FAT3: variants seen among roughly 807,000 people sequenced by gnomAD.
FAT3 encodes FAT atypical cadherin 3, also known as protocadherin Fat 3.
Under a neutral mutation model 310.2 loss-of-function variants are expected in FAT3, and 95 were observed. The observed-to-expected ratio is 0.31, with a 90% CI of 0.26 to 0.36. The LOEUF (loss-of-function observed/expected upper bound fraction) is 0.36, where lower values mean the gene tolerates loss of function less well. Ranked by LOEUF, FAT3 falls within the 10% of genes least tolerant of loss-of-function variation. The pLI is 1.00. For synonymous variants in FAT3, 2,314 were observed against 2,192.9 expected, an observed-to-expected ratio of 1.06 and a Z score of -1.54; for missense variants, 5,408 against 5,715.6, an observed-to-expected ratio of 0.95 and a Z score of 1.74.
At chr11:92,650,409 G>A (rs768487016) in intron 3 of FAT3, among the ~76,000 whole-genome samples, 2 of 152,018 alleles carry the variant, frequency 1.3e-5, no homozygotes, top group Non-Finnish European at 2.9e-5. Context: ...TCATTAATAC[G>A]CACTGTCCTT....
chr11:92,540,825 A>C (rs1341917498), intron 3 of FAT3, among the ~76,000 whole-genome samples: 1 of 152,002 alleles, frequency 6.6e-6, no homozygotes, highest in Non-Finnish European at 1.5e-5. Context: ...TAATTACAGA[A>C]CTATGTTTTT....
chr11:92,545,373 T>C (rs757384974), intron 3 of FAT3, among the ~76,000 whole-genome samples: 3 of 152,208 alleles, frequency 2.0e-5, no homozygotes, highest in African/African-American at 4.8e-5. Flanking sequence ...TTTCACAGAC[T>C]GGAAGAGCCA....
intron 2 of FAT3, among the ~76,000 whole-genome samples, chr11:92,413,922 G>A (rs1372234995): frequency 1.3e-5 from 2 of 152,122 alleles, no homozygotes; most frequent in Admixed American, 6.5e-5. Flanking sequence ...CTAATTCTGG[G>A]ATCTGTGCAT....
intron 2 of FAT3, among the ~76,000 whole-genome samples, chr11:92,414,792 C>T (rs1415970083): frequency 6.6e-6 from 1 of 152,100 alleles, no homozygotes; most frequent in Non-Finnish European, 1.5e-5. Flanking sequence ...GGGCGGATCA[C>T]GAGGTCGGGA....
At chr11:92,730,996 G>A (rs928758651) in intron 4 of FAT3, among the ~76,000 whole-genome samples, 6 of 152,014 alleles carry the variant, frequency 3.9e-5, no homozygotes, top group Non-Finnish European at 5.9e-5. Context: ...AGTCAAATTC[G>A]GTTTTGTGTT....
chr11:92,834,941 G>T lies in FAT3; in HGVS notation c.9943G>T (p.Asp3315Tyr), dbSNP rs1323927844. Residue 3315 changes from aspartate to tyrosine, a missense_variant, in exon 15 of 28, where the codon GAT (aspartate) becomes TAT (tyrosine). Physicochemically the swap from Asp to Tyr is radical, Grantham distance 160 (BLOSUM62 -3). Coordinates refer to ENST00000525166, the MANE Select transcript of FAT3 (RefSeq NM_001367949.2). ...KRFYLVVEAK[D>Y]GGTPALSAVA... ...GTTTTACCTGGTAGTGGAAGCCAAA[G>T]ATGGGGGCACCCCAGCTCTCAGCGC... 2 of 1,613,188 alleles carry T rather than the reference G, an allele frequency of 1.2e-6. No individual in the cohort carries two copies. Among genetic ancestry groups the T allele is most frequent in the Non-Finnish European group, 1.7e-6 (2 of 1,179,604 alleles).
intron 3 of FAT3, among the ~76,000 whole-genome samples, chr11:92,580,014 G>A (rs1239255253): frequency 1.3e-5 from 2 of 152,026 alleles, no homozygotes; most frequent in East Asian, 3.9e-4. Flanking sequence ...CAGTTATTCA[G>A]GGTACATTAT....
chr11:92,533,954 A>G (rs1471016341), intron 3 of FAT3, among the ~76,000 whole-genome samples: 1 of 152,222 alleles, frequency 6.6e-6, no homozygotes, highest in South Asian at 2.1e-4. Flanking sequence ...AAAAAGAGAG[A>G]TTGATTAAGG....
intron 1 of FAT3, among the ~76,000 whole-genome samples, chr11:92,275,055 G>A (rs573561468): frequency 1.3e-5 from 2 of 152,230 alleles, no homozygotes; most frequent in South Asian, 4.1e-4. Context: ...GCAAACCATA[G>A]CAGCAGTAAC....
intron 2 of FAT3, among the ~76,000 whole-genome samples, chr11:92,462,588 C>T (rs907200607): frequency 6.6e-6 from 1 of 151,976 alleles, no homozygotes; most frequent in Non-Finnish European, 1.5e-5. Flanking sequence ...GAGTGGAAGA[C>T]CACCTAGAGA....
chr11:92,614,031 T>C (rs1404007360), intron 3 of FAT3, among the ~76,000 whole-genome samples: 2 of 152,168 alleles, frequency 1.3e-5, no homozygotes, highest in Admixed American at 1.3e-4. Flanking sequence ...TTCTTTTACT[T>C]AGCATGTTTT....
At chr11:92,604,077 C>T (rs1374155110) in intron 3 of FAT3, among the ~76,000 whole-genome samples, 1 of 152,294 alleles carries the variant, frequency 6.6e-6, no homozygotes, top group East Asian at 1.9e-4. Context: ...TTGAGGTCCT[C>T]CTCAACATTT....
chr11:92,391,973 G>T (rs907534887), intron 2 of FAT3, among the ~76,000 whole-genome samples: 1 of 152,302 alleles, frequency 6.6e-6, no homozygotes, highest in African/African-American at 2.4e-5. Flanking sequence ...GTCTGGTGAG[G>T]TGGTGGTGAT....
chr11:92,303,529 AT>A (rs1376530763), intron 1 of FAT3, among the ~76,000 whole-genome samples: 1 of 152,106 alleles, frequency 6.6e-6, no homozygotes, highest in Non-Finnish European at 1.5e-5. Flanking sequence ...TCACTTAAGG[AT>A]TTGAGGAGTC....
intron 3 of FAT3, among the ~76,000 whole-genome samples, chr11:92,638,095 A>G (rs1941832780): frequency 6.6e-6 from 1 of 152,178 alleles, no homozygotes; most frequent in African/African-American, 2.4e-5. Flanking sequence ...TATGCATTTT[A>G]TTGACTTTAC....
intron 2 of FAT3, among the ~76,000 whole-genome samples, chr11:92,368,281 C>G (rs1478236017): frequency 6.6e-6 from 1 of 152,064 alleles, no homozygotes; most frequent in East Asian, 1.9e-4. Context: ...ACCATTTCTC[C>G]AAAGTCACAA....
intron 10 of FAT3, among the ~76,000 whole-genome samples, chr11:92,802,169 C>G (rs1405077765): frequency 3.3e-5 from 5 of 152,118 alleles, no homozygotes; most frequent in Admixed American, 2.6e-4. Context: ...GTCACCTCTT[C>G]CTATTTAAAA....
intron 1 of FAT3, among the ~76,000 whole-genome samples, chr11:92,351,291 A>G (rs1406678008): frequency 6.6e-6 from 1 of 152,166 alleles, no homozygotes; most frequent in Non-Finnish European, 1.5e-5. Flanking sequence ...TGATCAGTTT[A>G]AAAGTAAGCA....
At chr11:92,683,567 C>T (rs1245691521) in intron 3 of FAT3, among the ~76,000 whole-genome samples, 1 of 152,170 alleles carries the variant, frequency 6.6e-6, no homozygotes. Flanking sequence ...CCCATGTTAA[C>T]TTTTTGCATA....
Sources: allele counts gnomAD v4.1 joint callset (sites outside exome capture counted in the v4.1 genomes callset), GRCh38; gene constraint gnomAD v4.1.1; transcripts MANE v1.5; gene names NCBI Gene and HGNC (gene_info 2026-07-23, HGNC 2026-07-21).